Variants in FHOD3 observed in about 807,000 individuals in gnomAD.
FHOD3 encodes the protein formin homology 2 domain containing 3.
In FHOD3, 90 loss-of-function variants were observed where a neutral mutation model predicts 173.0. The observed-to-expected ratio is 0.52, with a 90% CI of 0.44 to 0.62. The LOEUF (loss-of-function observed/expected upper bound fraction) is 0.62, where lower values mean the gene tolerates loss of function less well. Among genes scored for constraint, FHOD3 ranks in the 20% least tolerant of loss-of-function variants. FHOD3 has a pLI of 0.00. For missense variants in FHOD3, 1,945 were observed against 2,034.7 expected (o/e 0.96, Z 0.85); for synonymous variants, 828 against 823.0 (o/e 1.01, Z -0.10).
intron 3 of FHOD3, among the ~76,000 whole-genome samples, chr18:36,496,720 T>A (rs2054764818): frequency 6.6e-6 from 1 of 152,192 alleles, no homozygotes; most frequent in Non-Finnish European, 1.5e-5. Flanking sequence ...ATTGCTCTCG[T>A]GATATAGGGA....
intron 10 of FHOD3, among the ~76,000 whole-genome samples, chr18:36,629,947 A>G (rs1198170040): frequency 1.3e-5 from 2 of 152,080 alleles, no homozygotes; most frequent in Non-Finnish European, 2.9e-5. Context: ...TAGTGGGTGG[A>G]GTCCAGGAAT....
intron 5 of FHOD3, among the ~76,000 whole-genome samples, chr18:36,552,546 T>C (rs1420802714): frequency 1.3e-5 from 2 of 151,548 alleles, no homozygotes; most frequent in East Asian, 3.9e-4. Flanking sequence ...TTGCCCAGGC[T>C]GGAGTGCAGT....
At chr18:36,665,805 G>T (rs1403467207) in intron 14 of FHOD3, among the ~76,000 whole-genome samples, 1 of 152,194 alleles carries the variant, frequency 6.6e-6, no homozygotes, top group Admixed American at 6.5e-5. Flanking sequence ...AGCAAGGCCT[G>T]GGAGCCACGT....
At chr18:36,375,885 A>G (rs1335588985) in intron 3 of FHOD3, among the ~76,000 whole-genome samples, 1 of 152,160 alleles carries the variant, frequency 6.6e-6, no homozygotes, top group African/African-American at 2.4e-5. Context: ...TTCTTTGTAC[A>G]TTTTTGGTAT....
At chr18:36,698,251 C>T (rs1158659408) in intron 17 of FHOD3, among the ~76,000 whole-genome samples, 1 of 152,234 alleles carries the variant, frequency 6.6e-6, no homozygotes, top group East Asian at 1.9e-4. Context: ...CTACCTGCTA[C>T]ACCTGCTGTG....
chr18:36,604,370 G>T (rs1412977875), intron 8 of FHOD3, among the ~76,000 whole-genome samples: 1 of 152,184 alleles, frequency 6.6e-6, no homozygotes, highest in African/African-American at 2.4e-5. Flanking sequence ...ATTATGAAGA[G>T]CACCTTCTCC....
chr18:36,650,118 G>T (rs1211914620), intron 11 of FHOD3, among the ~76,000 whole-genome samples: 2 of 152,044 alleles, frequency 1.3e-5, no homozygotes, highest in Non-Finnish European at 2.9e-5. Flanking sequence ...TTGCTCATGG[G>T]TAGTTTCATT....
intron 9 of FHOD3, among the ~76,000 whole-genome samples, chr18:36,623,555 C>A (rs755280561): frequency 2.6e-5 from 4 of 152,118 alleles, no homozygotes; most frequent in Non-Finnish European, 5.9e-5. Context: ...CTTTTTAGTT[C>A]TTGCAGTTAC....
intron 3 of FHOD3, among the ~76,000 whole-genome samples, chr18:36,419,256 G>T (rs2049856049): frequency 6.6e-6 from 1 of 151,748 alleles, no homozygotes; most frequent in Non-Finnish European, 1.5e-5. Context: ...AGCTGTGCAG[G>T]CAAAAGGAAT....
chr18:36,486,575 G>A (rs1360133235), intron 3 of FHOD3, among the ~76,000 whole-genome samples: 4 of 152,082 alleles, frequency 2.6e-5, no homozygotes, highest in Non-Finnish European at 4.4e-5. Flanking sequence ...TCTTATGGAT[G>A]GTATTATCTA....
rs1434612459 is a variant in FHOD3, at chr18:36,693,375, G to C, written c.2188G>C (p.Ala730Pro). 6.2e-7 allele frequency: 1 copy of C among 1,613,760 alleles called. No individual in the cohort carries two copies. The highest frequency in any genetic ancestry group is 1.3e-5 in the African/African-American group (1 of 74,892). The change falls in exon 17 of 29, where the codon GCT becomes CCT. Residue 730 changes from alanine to proline, a missense_variant. This residue lies in a region of FHOD3 where 1,099 missense variants were observed against 1,051.2 expected (regional missense o/e 1.05). Transcript: ENST00000590592. ...HSPSSSDSQEALTVSASSPGT... is the reference protein window; with the variant it reads ...HSPSSSDSQEPLTVSASSPGT... ...CCCCTCATCTTCAGACTCTCAAGAG[G>C]CTCTCACGGTGTCTGCCTCCTCCCC...
chr18:36,431,282 G>A (rs1744682766), intron 3 of FHOD3, among the ~76,000 whole-genome samples: 1 of 152,214 alleles, frequency 6.6e-6, no homozygotes, highest in African/African-American at 2.4e-5. Flanking sequence ...GACATGGAGT[G>A]CCCACAGCTG....
At position 36,418,167 on chromosome 18, in the gene FHOD3, T is replaced by A. The variant is rs539786663; in HGVS notation, c.337+45423T>A. Among the ~76,000 whole-genome samples the A allele has an allele frequency of 3.3e-5, 5 of 152,378 alleles. No homozygotes were observed. In the East Asian group the frequency reaches 9.6e-4, roughly 29 times the overall value. ...TGGGTTGCCATTTGGAATTTGGAAA[T>A]GCTGTGGCTTCAATCCATTTAGACA... On this transcript the variant is annotated intron_variant, in intron 3 of 28. Transcript: ENST00000590592.
intron 1 of FHOD3, among the ~76,000 whole-genome samples, chr18:36,301,271 C>G (rs1227026840): frequency 1.3e-5 from 2 of 152,158 alleles, no homozygotes; most frequent in Non-Finnish European, 2.9e-5. Flanking sequence ...GTGTGGACAT[C>G]TTTTCTTAAC....
chr18:36,310,717 A>G (rs1025073336), intron 1 of FHOD3, among the ~76,000 whole-genome samples: 2 of 151,788 alleles, frequency 1.3e-5, no homozygotes, highest in African/African-American at 2.4e-5. Context: ...GAAAAAAAAA[A>G]GAAATGTCAA....
intron 3 of FHOD3, among the ~76,000 whole-genome samples, chr18:36,378,122 G>A (rs1177285858): frequency 6.6e-6 from 1 of 152,140 alleles, no homozygotes; most frequent in Non-Finnish European, 1.5e-5. Flanking sequence ...AGAAGCCCTG[G>A]AAACCATCTC....
chr18:36,665,419 G>A (rs1055431524), intron 14 of FHOD3, among the ~76,000 whole-genome samples: 1 of 152,168 alleles, frequency 6.6e-6, no homozygotes, highest in African/African-American at 2.4e-5. Context: ...TGAATGCTGC[G>A]AAGAAAATGA....
intron 1 of FHOD3, among the ~76,000 whole-genome samples, chr18:36,308,474 C>G (rs555815331): frequency 6.6e-6 from 1 of 152,312 alleles, no homozygotes; most frequent in South Asian, 2.1e-4. Context: ...ACTCAGAATA[C>G]CACCAGGTGG....
At chr18:36,493,406 A>G (rs1291846813) in intron 3 of FHOD3, among the ~76,000 whole-genome samples, 1 of 152,094 alleles carries the variant, frequency 6.6e-6, no homozygotes, top group East Asian at 1.9e-4. Context: ...GGTTGAAATG[A>G]GCCATGCTTC....
Sources: allele counts gnomAD v4.1 joint callset (sites outside exome capture counted in the v4.1 genomes callset), GRCh38; gene constraint gnomAD v4.1.1; regional missense constraint gnomAD v4.1.1; transcripts MANE v1.5; gene names NCBI Gene and HGNC (gene_info 2026-07-23, HGNC 2026-07-21).